The following ARHGAP6 variants were observed in gnomAD, a reference collection of about 807,000 sequenced individuals.
ARHGAP6 encodes the protein rho GTPase-activating protein 6.
Under a neutral mutation model 55.7 loss-of-function variants are expected in ARHGAP6, and 16 were observed. The ratio of observed to expected loss-of-function variants is 0.29; its 90% CI spans 0.19 to 0.44. The LOEUF (loss-of-function observed/expected upper bound fraction) is 0.44, where lower values mean the gene tolerates loss of function less well. Among genes scored for constraint, ARHGAP6 ranks in the 20% least tolerant of loss-of-function variants. ARHGAP6 has a pLI of 1.00. For synonymous variants in ARHGAP6, 382 were observed against 360.9 expected, an observed-to-expected ratio of 1.06 and a Z score of -0.66; for missense variants, 698 against 808.9, an observed-to-expected ratio of 0.86 and a Z score of 1.66.
intron 8 of ARHGAP6, among the ~76,000 whole-genome samples, chrX:11,172,940 C>T (rs1380705987): frequency 8.9e-6 from 1 of 111,800 alleles, no homozygotes; most frequent in African/African-American, 3.3e-5. Flanking sequence ...ATATGAATAG[C>T]TCATATCTGT....
intron 1 of ARHGAP6, among the ~76,000 whole-genome samples, chrX:11,610,233 ATCTT>A (rs993676902): frequency 7.2e-5 from 8 of 111,876 alleles, no homozygotes; most frequent in African/African-American, 2.6e-4. Context: ...CTAAAAGGAC[ATCTT>A]TCTTTCTTCT....
intron 1 of ARHGAP6, among the ~76,000 whole-genome samples, chrX:11,583,197 TTGG>T: frequency 8.9e-6 from 1 of 112,406 alleles, no homozygotes; most frequent in South Asian, 3.7e-4. Flanking sequence ...TCCAGGATGG[TTGG>T]TGGAAGAACA....
At chrX:11,281,667 G>T (rs111454262) in intron 1 of ARHGAP6, among the ~76,000 whole-genome samples, 2,453 of 110,897 alleles carry the variant, frequency 0.022, 31 homozygotes, top group Middle Eastern at 0.061. Flanking sequence ...GGACATAAAT[G>T]TTTATTATAA....
chrX:11,427,901 T>G, intron 1 of ARHGAP6: 5 of 514,660 alleles, frequency 9.7e-6, no homozygotes, highest in East Asian at 1.8e-4. Context: ...GGGCGTTTAA[T>G]TCCTTCCGCT....
intron 1 of ARHGAP6, among the ~76,000 whole-genome samples, chrX:11,340,660 C>T (rs1270103255): frequency 9.4e-6 from 1 of 106,447 alleles, no homozygotes; most frequent in Non-Finnish European, 1.9e-5. Flanking sequence ...ACCCGGGAAG[C>T]GGAGCTTGCA....
rs1288030617 is a variant in ARHGAP6 at position 11,274,269 on chromosome X, C to T, written c.589-19562G>A. Among the ~76,000 whole-genome samples, 8 of 111,740 alleles carry T rather than the reference C, an allele frequency of 7.2e-5. No individual in the cohort carries two copies. In the Admixed American group the frequency reaches 7.6e-4, roughly 11 times the overall value. ...ACACATTGACTGAGGCATGCCTTGA[C>T]CTTGAGGTGGCAACTGTTGACTTAA... On this transcript the variant is annotated intron_variant, in intron 1 of 12. Coordinates refer to ENST00000337414, the MANE Select transcript of ARHGAP6 (RefSeq NM_013427.3).
At chrX:11,434,246 C>T (rs764263508) in intron 1 of ARHGAP6, among the ~76,000 whole-genome samples, 2 of 111,954 alleles carry the variant, frequency 1.8e-5, no homozygotes, top group African/African-American at 6.5e-5. Context: ...GGAATTCATC[C>T]TTTAATAATT....
chrX:11,605,797 G>A (rs1486254411), intron 1 of ARHGAP6, among the ~76,000 whole-genome samples: 1 of 110,056 alleles, frequency 9.1e-6, no homozygotes, highest in East Asian at 2.8e-4. Context: ...CAAAAAAGAT[G>A]GAGTCTTTTT....
intron 1 of ARHGAP6, among the ~76,000 whole-genome samples, chrX:11,345,433 A>C (rs1181231131): frequency 8.9e-6 from 1 of 112,750 alleles, no homozygotes; most frequent in Non-Finnish European, 1.9e-5. Flanking sequence ...ACAAATGTTA[A>C]CAGTTACTAA....
intron 1 of ARHGAP6, among the ~76,000 whole-genome samples, chrX:11,646,505 CAGA>C (rs768076121): frequency 2.7e-5 from 3 of 111,725 alleles, no homozygotes; most frequent in Non-Finnish European, 5.7e-5. Context: ...ATGGTTATCA[CAGA>C]AGAAAACAGG....
intron 1 of ARHGAP6, among the ~76,000 whole-genome samples, chrX:11,267,790 GAGA>G (rs1219819111): frequency 3.6e-5 from 4 of 112,292 alleles, no homozygotes; most frequent in African/African-American, 9.7e-5. Flanking sequence ...AGAAATAATG[GAGA>G]AGGTGTGTAT....
chrX:11,568,726 C>T lies in ARHGAP6; in HGVS notation c.588+95515G>A, dbSNP rs779580454. Among the ~76,000 whole-genome samples, 69 of 104,001 alleles carry T rather than the reference C, an allele frequency of 6.6e-4. 1 individual carries two copies. Among genetic ancestry groups the T allele is most frequent in the Non-Finnish European group, 1.2e-3 (60 of 51,199 alleles). The allele number at this position is 104,001 out of a possible 115,157, so 90.3% of individuals were successfully genotyped here. A position where few individuals can be genotyped will look rare whatever the true frequency, so the allele number is the denominator to read the frequency against. The stretch of plus-strand genomic sequence containing the variant: ...GAGCTGAGATTGCGCCACTGCACTC[C>T]AGCCTGGGCGACAAAGTGAGATACT... On this transcript the variant is annotated intron_variant, in intron 1 of 12. Transcript: ENST00000337414.
At chrX:11,591,008 A>G (rs933016875) in intron 1 of ARHGAP6, among the ~76,000 whole-genome samples, 17 of 108,047 alleles carry the variant, frequency 1.6e-4, no homozygotes, top group Non-Finnish European at 2.9e-4. Flanking sequence ...CCTAGCCAAG[A>G]TGGTGAAACC....
At chrX:11,587,067 T>C (rs1194492457) in intron 1 of ARHGAP6, among the ~76,000 whole-genome samples, 3 of 111,640 alleles carry the variant, frequency 2.7e-5, no homozygotes, top group African/African-American at 9.8e-5. Flanking sequence ...TTAAGGAGCT[T>C]TGAGGCTGGG....
intron 1 of ARHGAP6, among the ~76,000 whole-genome samples, chrX:11,363,579 A>G (rs1158193471): frequency 7.1e-5 from 8 of 111,921 alleles, no homozygotes; most frequent in Non-Finnish European, 1.3e-4. Context: ...TCACATTTGT[A>G]TCTTAGTAAG....
chrX:11,282,939 T>A (rs1332795624), intron 1 of ARHGAP6, among the ~76,000 whole-genome samples: 1 of 112,520 alleles, frequency 8.9e-6, no homozygotes, highest in African/African-American at 3.2e-5. Context: ...TGCAGTTTTG[T>A]TAGCAAATTA....
At chrX:11,535,248 C>A (rs745453776) in intron 1 of ARHGAP6, among the ~76,000 whole-genome samples, 4 of 111,667 alleles carry the variant, frequency 3.6e-5, no homozygotes, top group African/African-American at 1.3e-4. Flanking sequence ...CCCCATTACC[C>A]ATAGAAGTCT....
intron 10 of ARHGAP6, among the ~76,000 whole-genome samples, chrX:11,147,821 T>C (rs989108203): frequency 8.9e-6 from 1 of 112,148 alleles, no homozygotes; most frequent in African/African-American, 3.2e-5. Flanking sequence ...TAAAAGTTTA[T>C]AGGAAAGGAA....
intron 1 of ARHGAP6, among the ~76,000 whole-genome samples, chrX:11,452,799 G>T (rs2050155994): frequency 9.0e-6 from 1 of 111,154 alleles, no homozygotes; most frequent in Non-Finnish European, 1.9e-5. Flanking sequence ...CTGTGTGACT[G>T]GTCCCCTGGG....
Sources: gnomAD v4.1 joint callset for allele counts (sites outside exome capture counted in the v4.1 genomes callset) on GRCh38, gnomAD v4.1.1 for gene constraint, MANE v1.5 for transcripts, NCBI Gene and HGNC (gene_info 2026-07-23, HGNC 2026-07-21) for gene names.